The following SRRM4 variants were observed in gnomAD, a reference collection of about 807,000 sequenced individuals.
SRRM4 encodes serine/arginine repetitive matrix 4, also known as serine/arginine repetitive matrix protein 4.
A neutral mutation model predicts 68.9 loss-of-function variants in SRRM4; 33 were observed. The ratio of observed to expected loss-of-function variants is 0.48; its 90% confidence interval spans 0.36 to 0.64. SRRM4 has a LOEUF of 0.64. Ranked by LOEUF, SRRM4 falls within the 30% of genes least tolerant of loss-of-function variation. SRRM4 has a pLI of 0.00. For synonymous variants in SRRM4, 318 were observed against 318.8 expected, an observed-to-expected ratio of 1.00 and a Z score of 0.03; for missense variants, 817 against 827.1, an observed-to-expected ratio of 0.99 and a Z score of 0.15.
At chr12:119,088,162 G>A (rs1161915674) in intron 1 of SRRM4, among the ~76,000 whole-genome samples, 1 of 152,124 alleles carries the variant, frequency 6.6e-6, no homozygotes, top group East Asian at 1.9e-4. Context: ...GGCCACATTG[G>A]TAGGTTCTGG....
At chr12:119,117,222 A>G (rs543699340) in intron 4 of SRRM4, among the ~76,000 whole-genome samples, 1 of 152,310 alleles carries the variant, frequency 6.6e-6, no homozygotes, top group Admixed American at 6.5e-5. Context: ...GGACTTGATT[A>G]TAAAGAAGCA....
chr12:119,119,725 G>A, intron 4 of SRRM4, among the ~76,000 whole-genome samples: 1 of 152,222 alleles, frequency 6.6e-6, no homozygotes, highest in South Asian at 2.1e-4. Context: ...ACATGTGGAA[G>A]CTGGCTGTCT....
At chr12:119,122,295 GAAGGAAGGA>G (rs978705146) in intron 6 of SRRM4, among the ~76,000 whole-genome samples, 175 bp downstream of exon 6, 3 of 81,900 alleles carry the variant, frequency 3.7e-5, no homozygotes, top group Non-Finnish European at 6.0e-5. Context: ...AGGAAGGCAG[GAAGGAAGGA>G]AGGAAGGAAG....
intron 1 of SRRM4, among the ~76,000 whole-genome samples, chr12:119,081,053 T>C (rs946833872): frequency 2.0e-5 from 3 of 152,200 alleles, no homozygotes; most frequent in African/African-American, 7.2e-5. Flanking sequence ...TAACAAATAT[T>C]AATTGAGCCT....
intron 1 of SRRM4, among the ~76,000 whole-genome samples, chr12:119,006,792 G>C (rs541014138): frequency 6.6e-6 from 1 of 152,374 alleles, no homozygotes; most frequent in Non-Finnish European, 1.5e-5. Flanking sequence ...AAGCAAGAAA[G>C]AGTTTGCAGC....
intron 1 of SRRM4, among the ~76,000 whole-genome samples, chr12:118,983,410 A>G (rs1953262663): frequency 6.6e-6 from 1 of 152,190 alleles, no homozygotes; most frequent in Non-Finnish European, 1.5e-5. Context: ...CAGGCTGGAG[A>G]AGGGGAACAA....
At chr12:119,155,723 C>T (rs1390654066) in intron 12 of SRRM4, among the ~76,000 whole-genome samples, 7 of 152,194 alleles carry the variant, frequency 4.6e-5, no homozygotes, top group South Asian at 2.1e-4. Flanking sequence ...GGTGACAGAG[C>T]GAGACCCTGT....
chr12:119,084,230 A>G (rs1356344055), intron 1 of SRRM4, among the ~76,000 whole-genome samples: 1 of 152,114 alleles, frequency 6.6e-6, no homozygotes, highest in Non-Finnish European at 1.5e-5. Context: ...GAGGGAAGAG[A>G]GCAGGGGAAG....
intron 7 of SRRM4, among the ~76,000 whole-genome samples, chr12:119,129,850 T>C (rs1853036269): frequency 1.3e-5 from 2 of 152,104 alleles, no homozygotes; most frequent in African/African-American, 4.8e-5. Context: ...GATGGATGAA[T>C]GGATGAATGG....
intron 1 of SRRM4, among the ~76,000 whole-genome samples, chr12:119,099,063 C>A (rs956840780): frequency 3.3e-5 from 5 of 152,128 alleles, no homozygotes; most frequent in Admixed American, 1.3e-4. Flanking sequence ...CCCCAAAGGT[C>A]TTCCCATGAC....
intron 8 of SRRM4, among the ~76,000 whole-genome samples, chr12:119,144,091 C>T (rs1220426420): frequency 6.6e-6 from 1 of 152,146 alleles, no homozygotes; most frequent in East Asian, 1.9e-4. Flanking sequence ...GCCTCCTTTA[C>T]TCCTTCATTG....
In SRRM4 at chr12:119,130,094, C is replaced by T. The variant is rs577687175; in HGVS notation, c.615-584C>T. On this transcript the variant is annotated intron_variant, in intron 7 of 12. Coordinates refer to ENST00000267260, the MANE Select transcript of SRRM4 (RefSeq NM_194286.4). The stretch of plus-strand genomic sequence containing the variant: ...ATGGATGGTTGGATGATTGGATGGA[C>T]GGATGAATAGATGAATAGTTAGATG... 4.9e-4 allele frequency among the ~76,000 whole-genome samples: 61 copies of T among 123,598 alleles called. No homozygotes were observed. In the South Asian group the frequency reaches 6.4e-3, roughly 13 times the overall value. The allele number at this position is 123,598 out of a possible 152,430, so 81.1% of individuals were successfully genotyped here. A position where few individuals can be genotyped will look rare whatever the true frequency, so the allele number is the denominator to read the frequency against.
intron 1 of SRRM4, among the ~76,000 whole-genome samples, chr12:119,012,290 G>A (rs1192481400): frequency 6.6e-6 from 1 of 152,194 alleles, no homozygotes; most frequent in African/African-American, 2.4e-5. Context: ...CCCCATGGGG[G>A]GATGGAAACG....
intron 8 of SRRM4, among the ~76,000 whole-genome samples, chr12:119,143,913 C>G (rs1213748489): frequency 3.9e-5 from 6 of 152,110 alleles, no homozygotes; most frequent in Non-Finnish European, 8.8e-5. Context: ...GGAGAAGGCC[C>G]AGGGCAGGGG....
intron 12 of SRRM4, among the ~76,000 whole-genome samples, chr12:119,155,578 C>A (rs1257425279): frequency 6.6e-6 from 1 of 152,144 alleles, no homozygotes; most frequent in Non-Finnish European, 1.5e-5. Flanking sequence ...ACCAAAAATA[C>A]AAAACACTAG....
chr12:119,139,418 G>A (rs1954350937), intron 8 of SRRM4, among the ~76,000 whole-genome samples: 1 of 152,206 alleles, frequency 6.6e-6, no homozygotes, highest in African/African-American at 2.4e-5. Flanking sequence ...AGAAGGTGGA[G>A]TCTGGGGTTT....
chr12:119,122,292 CAGGAAGGAAGGAAGGAAGGAAGGAAGGA>C (rs56030105), intron 6 of SRRM4, among the ~76,000 whole-genome samples, 172 bp downstream of exon 6: 1 of 69,656 alleles, frequency 1.4e-5, no homozygotes, highest in Non-Finnish European at 2.7e-5. Flanking sequence ...GGCAGGAAGG[CAGGAAGGAAGGAAGGAAGGAAGGAAGGA>C]AGGAAGGAAG....
Position 118,981,983 on chromosome 12 carries a change from C to G in SRRM4, c.101C>G (p.Ala34Gly). The change falls in exon 1 of 13, where the codon GCC (alanine) becomes GGC (glycine). Residue 34 changes from alanine (A) to glycine (G), a missense_variant. Transcript: ENST00000267260. ...CCCCGTCCCGAGAGCATCATTGTCGCCAGTATCACGGCCCGCAAGCCGCTG... is the reference window on the plus strand; with the variant it reads ...CCCCGTCCCGAGAGCATCATTGTCGGCAGTATCACGGCCCGCAAGCCGCTG... ...ATPRPESIIVASITARKPLPR... is the reference protein window; with the variant it reads ...ATPRPESIIVGSITARKPLPR... 3 of 1,611,118 alleles carry G rather than the reference C, an allele frequency of 1.9e-6. No homozygotes were observed. Among genetic ancestry groups the G allele is most frequent in the Non-Finnish European group, 2.5e-6 (3 of 1,178,910 alleles).
chr12:119,123,192 G>A (rs1296097291), intron 6 of SRRM4, among the ~76,000 whole-genome samples: 2 of 152,170 alleles, frequency 1.3e-5, no homozygotes, highest in Non-Finnish European at 2.9e-5. Flanking sequence ...CAGCTTTGCT[G>A]CCCCAAACGG....
Sources: allele counts gnomAD v4.1 joint callset (sites outside exome capture counted in the v4.1 genomes callset), GRCh38; gene constraint gnomAD v4.1.1; transcripts MANE v1.5; gene names NCBI Gene and HGNC (gene_info 2026-07-23, HGNC 2026-07-21).